The following PTPN14 variants were observed in gnomAD, a reference collection of about 807,000 sequenced individuals.
PTPN14 encodes tyrosine-protein phosphatase non-receptor type 14.
In PTPN14, 53 loss-of-function variants were observed where a neutral mutation model predicts 126.8. The observed-to-expected ratio is 0.42, with a 90% CI of 0.34 to 0.53. The LOEUF (loss-of-function observed/expected upper bound fraction) is 0.53, where lower values mean the gene tolerates loss of function less well. Among genes scored for constraint, PTPN14 ranks in the 20% least tolerant of loss-of-function variants. The probability of loss-of-function intolerance (pLI) is 0.08; values close to 1 mark genes in which losing one functional copy is unlikely to be tolerated. For synonymous variants in PTPN14, 630 were observed against 599.3 expected (o/e 1.05, Z -0.75); for missense variants, 1,257 against 1,552.9 (o/e 0.81, Z 3.20).
intron 2 of PTPN14, among the ~76,000 whole-genome samples, chr1:214,461,250 G>T (rs1353167791): frequency 6.6e-6 from 1 of 152,014 alleles, no homozygotes; most frequent in African/African-American, 2.4e-5. Context: ...CTAATATAAA[G>T]CTATTACAAA....
intron 1 of PTPN14, among the ~76,000 whole-genome samples, chr1:214,493,451 GATT>G (rs1017531701): frequency 1.3e-5 from 2 of 152,066 alleles, no homozygotes; most frequent in Non-Finnish European, 2.9e-5. Context: ...TCCATGATGT[GATT>G]ATTATGTATT....
chr1:214,386,539 G>A (rs752529211), intron 12 of PTPN14, among the ~76,000 whole-genome samples: 1 of 152,240 alleles, frequency 6.6e-6, no homozygotes, highest in Admixed American at 6.5e-5. Flanking sequence ...TGAAGGTGAA[G>A]TGCATTCGCT....
intron 7 of PTPN14, among the ~76,000 whole-genome samples, chr1:214,399,695 T>C (rs1330907843): frequency 6.6e-6 from 1 of 152,152 alleles, no homozygotes; most frequent in East Asian, 1.9e-4. Context: ...TCTCGAATAA[T>C]TACCTTTTGT....
At chr1:214,521,873 T>C (rs1457072635) in intron 1 of PTPN14, among the ~76,000 whole-genome samples, 1 of 151,114 alleles carries the variant, frequency 6.6e-6, no homozygotes, top group Non-Finnish European at 1.5e-5. Flanking sequence ...CCTAAAACCA[T>C]GTTTCATAAG....
intron 1 of PTPN14, among the ~76,000 whole-genome samples, chr1:214,518,296 T>C (rs755071590): frequency 7.2e-5 from 11 of 152,168 alleles, no homozygotes; most frequent in Non-Finnish European, 1.6e-4. Context: ...CTACTCTCTA[T>C]TCGCCACTAC....
At position 214,369,533 on chromosome 1, in the gene PTPN14, T is replaced by A. The variant is rs1658162815; in HGVS notation, c.3195A>T (p.Gln1065His). The change falls in exon 17 of 19, where the codon CAA becomes CAT. Residue 1065 changes from glutamine (Q) to histidine (H), a missense_variant. By Grantham distance (24) the Gln-to-His change is conservative. Transcript: ENST00000366956. ...GLKVKHLLSG[Q>H]ERTVWHLQYT... is the part of the protein sequence containing the mutation. Reference sequence around the variant, plus strand: ...ATTGTAAATGCCACACCGTCCTTTCTTGCCCAGACAAAAGGTGCTTGACCT... The same window carrying A: ...ATTGTAAATGCCACACCGTCCTTTCATGCCCAGACAAAAGGTGCTTGACCT... 11 of 1,614,080 alleles carry A rather than the reference T, an allele frequency of 6.8e-6. No individual in the cohort carries two copies. Among genetic ancestry groups the A allele is most frequent in the Non-Finnish European group, 9.3e-6 (11 of 1,180,048 alleles).
At chr1:214,387,404 C>T (rs1350602460) in intron 11 of PTPN14, among the ~76,000 whole-genome samples, 1 of 152,066 alleles carries the variant, frequency 6.6e-6, no homozygotes, top group Non-Finnish European at 1.5e-5. Context: ...CCGAGCTACT[C>T]GCGAGCTGAG....
rs541401615 is a variant in PTPN14 at position 214,421,759 on chromosome 1, A to G, written c.345-7033T>C. On this transcript the variant is annotated intron_variant, in intron 3 of 18. Coordinates refer to ENST00000366956, the MANE Select transcript of PTPN14 (RefSeq NM_005401.5). ...CTGTCGTAAGTGTGCGGTGCTCCCC[A>G]ATAGTTGCCATGTTCTTTCCTGCCT... is the stretch of plus-strand genomic sequence containing the variant. Among the ~76,000 whole-genome samples the G allele has an allele frequency of 1.5e-3, 231 of 152,140 alleles. 2 individuals carry two copies. Among genetic ancestry groups the G allele is most frequent in the South Asian group, 9.1e-3 (44 of 4,824 alleles).
intron 1 of PTPN14, among the ~76,000 whole-genome samples, chr1:214,502,582 C>A (rs1420362105): frequency 6.6e-6 from 1 of 152,064 alleles, no homozygotes; most frequent in East Asian, 1.9e-4. Flanking sequence ...TGGTCTCATA[C>A]TCCCGGTATC....
intron 3 of PTPN14, among the ~76,000 whole-genome samples, chr1:214,450,497 A>T (rs1267376537): frequency 6.6e-6 from 1 of 152,006 alleles, no homozygotes; most frequent in Non-Finnish European, 1.5e-5. Flanking sequence ...AAGAAAAAGA[A>T]AAAGAAAAAG....
intron 1 of PTPN14, among the ~76,000 whole-genome samples, chr1:214,475,209 A>G (rs1660843066): frequency 6.6e-6 from 1 of 152,242 alleles, no homozygotes; most frequent in African/African-American, 2.4e-5. Context: ...CTGGTAAAAC[A>G]GATAACAGTG....
chr1:214,362,922 GA>G (rs1356289395), intron 18 of PTPN14, among the ~76,000 whole-genome samples: 10 of 152,218 alleles, frequency 6.6e-5, no homozygotes, highest in Non-Finnish European at 1.3e-4. Flanking sequence ...ATTAGGTGGG[GA>G]AGGTGATGAT....
intron 15 of PTPN14, among the ~76,000 whole-genome samples, chr1:214,373,271 C>G (rs1260750850): frequency 6.6e-6 from 1 of 152,104 alleles, no homozygotes; most frequent in Non-Finnish European, 1.5e-5. Context: ...CCAGGCTGGT[C>G]TTGAACTCCT....
chr1:214,357,694 GA>G lies in PTPN14; in HGVS notation c.*227del, dbSNP rs1453963760. 3 of 400,192 alleles carry G rather than the reference GA, an allele frequency of 7.5e-6. No individual in the cohort carries two copies. The highest frequency in any genetic ancestry group is 6.0e-5 in the African/African-American group (3 of 49,724). The allele number at this position is 400,192 out of a possible 1,614,324, so 24.8% of individuals were successfully genotyped here. ...AAATGAAAAGTACTATATTACTAGG[GA>G]AACTGCATTATAATAATTCACAAAA... is the stretch of plus-strand genomic sequence containing the variant. On this transcript the variant is annotated 3_prime_UTR_variant, in exon 19 of 19. Transcript: ENST00000366956.
intron 1 of PTPN14, chr1:214,483,505 C>G: frequency 1.4e-6 from 1 of 696,322 alleles, no homozygotes; most frequent in East Asian, 2.7e-5. Context: ...ACAACTTTCA[C>G]TGTCTTGAAG....
chr1:214,496,330 G>A (rs1031660103), intron 1 of PTPN14, among the ~76,000 whole-genome samples: 1 of 152,092 alleles, frequency 6.6e-6, no homozygotes, highest in Non-Finnish European at 1.5e-5. Flanking sequence ...AACAGGATAC[G>A]GCTTAGCCCA....
rs146326918 is a variant in PTPN14 at position 214,517,422 on chromosome 1, T to C, written c.-155+33761A>G. 6.6e-5 allele frequency among the ~76,000 whole-genome samples: 10 copies of C among 151,690 alleles called. No individual in the cohort carries two copies. The East Asian group carries it at 1.4e-3, about 21-fold the overall frequency. On this transcript the variant is annotated intron_variant, in intron 1 of 18. Transcript: ENST00000366956. ...AGATTAACTCAAGACAAAGTGCACA[T>C]TGAATCTAAAGAAGCTTGAGATGGT...
At chr1:214,490,039 C>T (rs1165921986) in intron 1 of PTPN14, among the ~76,000 whole-genome samples, 1 of 152,156 alleles carries the variant, frequency 6.6e-6, no homozygotes, top group Non-Finnish European at 1.5e-5. Flanking sequence ...AGGCCAAAGC[C>T]AATCCTCTTA....
intron 1 of PTPN14, among the ~76,000 whole-genome samples, chr1:214,476,179 T>C (rs935721743): frequency 2.0e-5 from 3 of 152,180 alleles, no homozygotes; most frequent in South Asian, 2.1e-4. Flanking sequence ...CTTACCTAGA[T>C]GGCCTATTCT....
Sources: gnomAD v4.1 joint callset for allele counts (sites outside exome capture counted in the v4.1 genomes callset) on GRCh38, gnomAD v4.1.1 for gene constraint, MANE v1.5 for transcripts, NCBI Gene and HGNC (gene_info 2026-07-23, HGNC 2026-07-21) for gene names.